The following HPSE2 variants were observed in gnomAD, a reference collection of about 807,000 sequenced individuals.
HPSE2 encodes the protein heparanase 2 (inactive).
HPSE2 carries 38 observed loss-of-function variants against 60.5 expected under a neutral mutation model. The observed-to-expected ratio is 0.63, with a 90% CI of 0.48 to 0.82. The LOEUF (loss-of-function observed/expected upper bound fraction) is 0.82, where lower values mean the gene tolerates loss of function less well. Among genes scored for constraint, HPSE2 ranks in the 40% least tolerant of loss-of-function variants. HPSE2 has a pLI of 0.00. For missense variants in HPSE2, 713 were observed against 740.4 expected, an observed-to-expected ratio of 0.96 and a Z score of 0.43; for synonymous variants, 295 against 293.2, an observed-to-expected ratio of 1.01 and a Z score of -0.06.
At chr10:98,825,068 G>T (rs1951511957) in intron 3 of HPSE2, among the ~76,000 whole-genome samples, 1 of 152,124 alleles carries the variant, frequency 6.6e-6, no homozygotes, top group South Asian at 2.1e-4. Flanking sequence ...AGTAGAGTAG[G>T]AGCTGCACAC....
At chr10:98,479,943 A>G (rs1313012993) in intron 11 of HPSE2, among the ~76,000 whole-genome samples, 2 of 152,232 alleles carry the variant, frequency 1.3e-5, no homozygotes, top group African/African-American at 4.8e-5. Flanking sequence ...GATAAATGGT[A>G]GCATCTGAAT....
the HPSE2 span, among the ~76,000 whole-genome samples, chr10:99,311,261 T>C: frequency 1.3e-5 from 2 of 152,236 alleles, no homozygotes; most frequent in African/African-American, 4.8e-5. Flanking sequence ...AAAAATTTTA[T>C]TGGCAATGTG....
chr10:98,835,559 T>C (rs1288582219), intron 3 of HPSE2, among the ~76,000 whole-genome samples: 1 of 152,154 alleles, frequency 6.6e-6, no homozygotes, highest in Non-Finnish European at 1.5e-5. Context: ...AAGTGCTGGT[T>C]ATAAAGGTAT....
intron 9 of HPSE2, among the ~76,000 whole-genome samples, chr10:98,568,801 G>T (rs963178387): frequency 2.0e-5 from 3 of 152,144 alleles, no homozygotes; most frequent in Non-Finnish European, 4.4e-5. Flanking sequence ...GTCACTCAAG[G>T]TTTCCACCCA....
intron 3 of HPSE2, among the ~76,000 whole-genome samples, chr10:98,800,738 C>T (rs142842522): frequency 3.3e-5 from 5 of 152,120 alleles, no homozygotes; most frequent in Non-Finnish European, 5.9e-5. Context: ...AATAAAAAGT[C>T]TCACAGTAAA....
the HPSE2 span, among the ~76,000 whole-genome samples, chr10:99,293,692 G>C: frequency 1.3e-5 from 2 of 152,028 alleles, no homozygotes; most frequent in Non-Finnish European, 2.9e-5. Context: ...AAAGTATATA[G>C]TGACAAAAGA....
At chr10:99,054,887 T>TTTTTTTAGTAGAAA (rs1199090838) in intron 3 of HPSE2, among the ~76,000 whole-genome samples, 1 of 151,984 alleles carries the variant, frequency 6.6e-6, no homozygotes, top group Admixed American at 6.6e-5. Context: ...ATTTTTTGAA[T>TTTTTTTAGTAGAAA]TTTTTTAGTA....
intron 3 of HPSE2, among the ~76,000 whole-genome samples, chr10:99,115,438 G>A (rs949929361): frequency 6.6e-6 from 1 of 151,994 alleles, no homozygotes; most frequent in Non-Finnish European, 1.5e-5. Flanking sequence ...ACAGGTGTGA[G>A]CCACCACGCT....
chr10:98,993,170 G>T (rs1347121748), intron 3 of HPSE2, among the ~76,000 whole-genome samples: 1 of 152,206 alleles, frequency 6.6e-6, no homozygotes, highest in Non-Finnish European at 1.5e-5. Context: ...ACATAGAGCA[G>T]GGAGTAACTA....
chr10:98,878,972 TC>T, intron 3 of HPSE2, among the ~76,000 whole-genome samples: 1 of 152,066 alleles, frequency 6.6e-6, no homozygotes, highest in Admixed American at 6.6e-5. Context: ...AAGAATGACT[TC>T]ACTGTTTCTA....
chr10:98,812,601 G>C (rs1951194315), intron 3 of HPSE2, among the ~76,000 whole-genome samples: 1 of 152,006 alleles, frequency 6.6e-6, no homozygotes, highest in Admixed American at 6.6e-5. Context: ...TTTTAAAAAA[G>C]ATAAATTTAA....
intron 2 of HPSE2, among the ~76,000 whole-genome samples, chr10:99,217,826 T>G (rs925350677): frequency 2.6e-5 from 4 of 152,172 alleles, no homozygotes; most frequent in South Asian, 2.1e-4. Flanking sequence ...CCTCAAACAA[T>G]CCTCTTGGCT....
chr10:99,041,347 C>G (rs987265039), intron 3 of HPSE2, among the ~76,000 whole-genome samples: 9 of 152,098 alleles, frequency 5.9e-5, no homozygotes, highest in Admixed American at 2.0e-4. Context: ...GCTGCCCACC[C>G]AGGATTGTCA....
At chr10:99,256,088 G>A in the HPSE2 span, among the ~76,000 whole-genome samples, 1 of 151,818 alleles carries the variant, frequency 6.6e-6, no homozygotes, top group Admixed American at 6.6e-5. Flanking sequence ...AGCATCGTGA[G>A]AACAGCAAGG....
chr10:98,574,958 C>G (rs193148206), intron 9 of HPSE2, among the ~76,000 whole-genome samples: 24 of 152,174 alleles, frequency 1.6e-4, no homozygotes, highest in Admixed American at 5.2e-4. Flanking sequence ...GATCTTGAAA[C>G]AAAAGGGGGA....
chr10:98,899,245 G>A (rs1018011929), intron 3 of HPSE2, among the ~76,000 whole-genome samples: 1 of 152,104 alleles, frequency 6.6e-6, no homozygotes. Context: ...ACAGGCAGCA[G>A]GCCAGATTTG....
chr10:98,565,199 G>A (rs1040233907), intron 9 of HPSE2, among the ~76,000 whole-genome samples: 10 of 151,308 alleles, frequency 6.6e-5, no homozygotes, highest in African/African-American at 2.2e-4. Context: ...GGATACATGC[G>A]CAGAACATGC....
chr10:98,788,547 G>A (rs974723162), intron 3 of HPSE2, among the ~76,000 whole-genome samples: 15 of 151,450 alleles, frequency 9.9e-5, no homozygotes, highest in Non-Finnish European at 1.8e-4. Flanking sequence ...CCCCAGCCTC[G>A]TTGCCGCCTT....
At chr10:98,660,388 T>C (rs1168467959) in intron 6 of HPSE2, among the ~76,000 whole-genome samples, 2 of 152,232 alleles carry the variant, frequency 1.3e-5, no homozygotes, top group African/African-American at 4.8e-5. Flanking sequence ...CTTATAGATG[T>C]AGAAACCCAG....
Sources: allele counts gnomAD v4.1 joint callset (sites outside exome capture counted in the v4.1 genomes callset), GRCh38; gene constraint gnomAD v4.1.1; transcripts MANE v1.5; gene names NCBI Gene and HGNC (gene_info 2026-07-23, HGNC 2026-07-21).